IRS1: variants seen among roughly 807,000 people sequenced by gnomAD.
The protein encoded by IRS1 is insulin receptor substrate 1.
IRS1 carries 34 observed loss-of-function variants against 65.6 expected under a neutral mutation model. That is an observed-to-expected ratio of 0.52 (90% CI 0.39 to 0.69). The LOEUF (loss-of-function observed/expected upper bound fraction) is 0.69, where lower values mean the gene tolerates loss of function less well. Ranked by LOEUF, IRS1 falls within the 30% of genes least tolerant of loss-of-function variation. The pLI is 0.00. For missense variants in IRS1, 1,641 were observed against 1,720.2 expected (o/e 0.95, Z 0.81); for synonymous variants, 699 against 683.5 (o/e 1.02, Z -0.35).
intron 1 of IRS1, among the ~76,000 whole-genome samples, chr2:226,788,969 T>C (rs1044905584): frequency 2.0e-5 from 3 of 152,128 alleles, no homozygotes; most frequent in Non-Finnish European, 2.9e-5. Context: ...AAAATACTAG[T>C]ATGAAAAAAA....
intron 1 of IRS1, among the ~76,000 whole-genome samples, chr2:226,740,832 T>C (rs1214171068): frequency 6.6e-6 from 1 of 152,160 alleles, no homozygotes; most frequent in Non-Finnish European, 1.5e-5. Flanking sequence ...CAACTGTGCT[T>C]TAAAAAAATG....
intron 1 of IRS1, among the ~76,000 whole-genome samples, chr2:226,751,142 A>G (rs1403376366): frequency 1.3e-5 from 2 of 152,172 alleles, no homozygotes; most frequent in African/African-American, 4.8e-5. Flanking sequence ...AAGGTTCTAG[A>G]AGAGTTAACT....
intron 1 of IRS1, among the ~76,000 whole-genome samples, chr2:226,756,887 A>G (rs1938814267): frequency 1.3e-5 from 2 of 152,172 alleles, no homozygotes; most frequent in South Asian, 4.1e-4. Flanking sequence ...ACGTGAACCC[A>G]GGAGGTGGAG....
chr2:226,796,410 G>C lies in IRS1; in HGVS notation c.2329C>G (p.Pro777Ala), dbSNP rs1023103924. Residue 777 changes from proline to alanine, a missense_variant, in exon 1 of 2, where the codon CCC (proline) becomes GCC (alanine). Around this residue, in one of 3 missense-constraint regions of IRS1, gnomAD observed 1,324 missense variants for 1,361.0 expected, o/e 0.97. Transcript: ENST00000305123. ...LPRSFKHTQR[P>A]GEPEEGARHQ... ...CGGGCACCCTCCTCCGGCTCCCCGGGGCGCTGGGTGTGCTTAAAGGATCTT... is the reference window on the plus strand; with the variant it reads ...CGGGCACCCTCCTCCGGCTCCCCGGCGCGCTGGGTGTGCTTAAAGGATCTT... The C allele has an allele frequency of 1.5e-5, 24 of 1,613,456 alleles. No individual in the cohort carries two copies. The highest frequency in any genetic ancestry group is 1.8e-5 in the Non-Finnish European group (21 of 1,180,046).
Position 226,799,034 on chromosome 2 carries a change from G to T in IRS1, c.-296C>A. On this transcript the variant is annotated 5_prime_UTR_variant, in exon 1 of 2. The change creates a new upstream start codon in the 5' untranslated region. Transcript: ENST00000305123. The surrounding 1 kb of genome is among the most constrained non-coding windows in gnomAD (Gnocchi z 6.1). ...CCTCCGAGAGCCAAGTCTCCTCTCA[G>T]CCGCCGCCGCCACCAGGAAGGAGCG... 1 of 1,365,804 alleles carries T rather than the reference G, an allele frequency of 7.3e-7. No homozygotes were observed. The highest frequency in any genetic ancestry group is 9.5e-7 in the Non-Finnish European group (1 of 1,050,886). The allele number at this position is 1,365,804 out of a possible 1,614,324, so 84.6% of individuals were successfully genotyped here.
At position 226,794,931 on chromosome 2, in the gene IRS1, A is replaced by T. The variant is rs973361448; in HGVS notation, c.*21+58T>A. The T allele has an allele frequency of 1.4e-6, 2 of 1,456,654 alleles. No homozygotes were observed. Among genetic ancestry groups the T allele is most frequent in the African/African-American group, 2.8e-5 (2 of 71,790 alleles). The allele number at this position is 1,456,654 out of a possible 1,614,324, so 90.2% of individuals were successfully genotyped here. A position where few individuals can be genotyped will look rare whatever the true frequency, so the allele number is the denominator to read the frequency against. On this transcript the variant is annotated intron_variant, in intron 1 of 1. Coordinates refer to ENST00000305123, the MANE Select transcript of IRS1 (RefSeq NM_005544.3). This position sits in a 1 kb window ranked among gnomAD's most constrained non-coding sequence, Gnocchi z 4.1. ...GGAAGGGGCAGAGGCGAAGAACAGA[A>T]TTCAAGGACAAGGTTAAAAGCAGTT...
intron 1 of IRS1, among the ~76,000 whole-genome samples, chr2:226,745,885 A>G (rs1938531361): frequency 6.6e-6 from 1 of 152,224 alleles, no homozygotes; most frequent in Non-Finnish European, 1.5e-5. Context: ...TTGCGAAGAG[A>G]GGACAAAGTT....
chr2:226,759,787 C>A (rs1938878139), intron 1 of IRS1, among the ~76,000 whole-genome samples: 1 of 152,058 alleles, frequency 6.6e-6, no homozygotes, highest in Non-Finnish European at 1.5e-5. Flanking sequence ...CAATAAAATG[C>A]AAATATGCCA....
chr2:226,783,762 T>C (rs1939433332), intron 1 of IRS1, among the ~76,000 whole-genome samples: 1 of 152,210 alleles, frequency 6.6e-6, no homozygotes, highest in African/African-American at 2.4e-5. Context: ...TTTCTAATAG[T>C]ATCTCTATTT....
At chr2:226,780,906 C>T (rs969411870) in intron 1 of IRS1, among the ~76,000 whole-genome samples, 1 of 152,100 alleles carries the variant, frequency 6.6e-6, no homozygotes, top group African/African-American at 2.4e-5. Context: ...TCCCTTGATC[C>T]AAGACTCTTC....
intron 1 of IRS1, among the ~76,000 whole-genome samples, chr2:226,771,464 A>G (rs543899817): frequency 5.3e-5 from 8 of 152,342 alleles, no homozygotes; most frequent in Middle Eastern, 3.4e-3. Context: ...AGTTTTACAG[A>G]GAGCCATGAA....
At chr2:226,782,271 T>C (rs1301912930) in intron 1 of IRS1, among the ~76,000 whole-genome samples, 1 of 152,182 alleles carries the variant, frequency 6.6e-6, no homozygotes, top group Non-Finnish European at 1.5e-5. Context: ...TTTTGTTCTG[T>C]AACCTCAGGA....
intron 1 of IRS1, among the ~76,000 whole-genome samples, chr2:226,757,706 C>T (rs1220304905): frequency 6.6e-6 from 1 of 152,166 alleles, no homozygotes. Flanking sequence ...GTTTTCATTT[C>T]ATATCTGTGC....
chr2:226,787,075 G>C (rs4675094), intron 1 of IRS1, among the ~76,000 whole-genome samples: 22,685 of 152,008 alleles, frequency 0.15, 2,128 homozygotes, highest in South Asian at 0.27. Flanking sequence ...TTTCCCCCCA[G>C]GTTTCCTAAC....
rs1288891438 is a variant in IRS1, at chr2:226,799,006, G to T, written c.-268C>A. The T allele has an allele frequency of 2.8e-6, 4 of 1,419,190 alleles. No individual in the cohort carries two copies. Among genetic ancestry groups the T allele is most frequent in the Non-Finnish European group, 3.7e-6 (4 of 1,082,522 alleles). The allele number at this position is 1,419,190 out of a possible 1,614,324, so 87.9% of individuals were successfully genotyped here. On this transcript the variant is annotated 5_prime_UTR_variant, in exon 1 of 2. Transcript: ENST00000305123. This position sits in a 1 kb window ranked among gnomAD's most constrained non-coding sequence, Gnocchi z 6.1. ...GTGCGTCCGGGGTGAGGGCAGCCCC[G>T]ATCCTCCGAGAGCCAAGTCTCCTCT...
intron 1 of IRS1, among the ~76,000 whole-genome samples, chr2:226,787,384 T>A (rs150725798): frequency 6.6e-6 from 1 of 152,162 alleles, no homozygotes; most frequent in Non-Finnish European, 1.5e-5. Context: ...TTTAGGTTTA[T>A]GAAAAATGCC....
At chr2:226,779,496 C>T (rs973362803) in intron 1 of IRS1, among the ~76,000 whole-genome samples, 1 of 152,162 alleles carries the variant, frequency 6.6e-6, no homozygotes, top group East Asian at 1.9e-4. Context: ...TAGCCTAGCT[C>T]AATACCAGAC....
rs1380130826 is a variant in IRS1, at chr2:226,795,157, C to T, written c.3582G>A (p.Glu1194=). 1.2e-6 allele frequency: 2 copies of T among 1,613,786 alleles called. No individual in the cohort carries two copies. Among genetic ancestry groups the T allele is most frequent in the South Asian group, 1.1e-5 (1 of 91,080 alleles). The stretch of plus-strand genomic sequence containing the variant: ...GGGGAGGCTGCGGTTCAGGGGTGCA[C>T]TCCTGAGGGCACTGTTTGAAGTCCT... The part of the protein sequence containing the change: ...LVKDFKQCPQ[E]CTPEPQPPPP... The change falls in exon 1 of 2, where the codon GAG becomes GAA. Residue 1194 remains glutamate (E), a synonymous_variant. Transcript: ENST00000305123.
chr2:226,732,249 G>A lies in IRS1; in HGVS notation c.*4023C>T, dbSNP rs1178592496. 1 of 152,006 alleles carries A rather than the reference G, an allele frequency of 6.6e-6. No individual in the cohort carries two copies. The highest frequency in any genetic ancestry group is 1.9e-4 in the East Asian group (1 of 5,186). The allele number at this position is 152,006 out of a possible 1,614,324, so 9.4% of individuals were successfully genotyped here. ...CCCATACTTAGGAGACAGACTTACA[G>A]AACTACGGAAGGACCACAAAGATCT... On this transcript the variant is annotated 3_prime_UTR_variant, in exon 2 of 2. Coordinates refer to ENST00000305123, the MANE Select transcript of IRS1 (RefSeq NM_005544.3).
Sources: allele counts gnomAD v4.1 joint callset (sites outside exome capture counted in the v4.1 genomes callset), GRCh38; gene constraint gnomAD v4.1.1; regional missense constraint gnomAD v4.1.1; non-coding constraint Gnocchi (gnomAD v3.1); transcripts MANE v1.5; gene names NCBI Gene and HGNC (gene_info 2026-07-23, HGNC 2026-07-21).